Variants in SPIDR observed in about 807,000 individuals in gnomAD.
SPIDR encodes DNA repair-scaffolding protein.
Under a neutral mutation model 104.6 loss-of-function variants are expected in SPIDR, and 93 were observed. The ratio of observed to expected loss-of-function variants is 0.89; its 90% CI spans 0.75 to 1.06. The LOEUF (loss-of-function observed/expected upper bound fraction) is 1.06, where lower values mean the gene tolerates loss of function less well. Ranked by LOEUF, SPIDR falls within the 50% of genes least tolerant of loss-of-function variation. The probability of loss-of-function intolerance (pLI) is 0.00; values close to 1 mark genes in which losing one functional copy is unlikely to be tolerated. For synonymous variants in SPIDR, 431 were observed against 416.9 expected (o/e 1.03, Z -0.41); for missense variants, 1,154 against 1,111.2 (o/e 1.04, Z -0.55).
chr8:47,480,162 C>G (rs2076735747), intron 8 of SPIDR, among the ~76,000 whole-genome samples: 6 of 152,170 alleles, frequency 3.9e-5, no homozygotes, highest in South Asian at 4.1e-4. Context: ...CGAGACCAGC[C>G]TGGCCACAGT....
At chr8:47,580,448 C>G (rs2059595240) in intron 8 of SPIDR, among the ~76,000 whole-genome samples, 1 of 152,172 alleles carries the variant, frequency 6.6e-6, no homozygotes, top group African/African-American at 2.4e-5. Context: ...GTGCTTACAT[C>G]TACTCTGAAT....
chr8:47,545,698 C>T (rs1021156413), intron 8 of SPIDR, among the ~76,000 whole-genome samples: 2 of 152,070 alleles, frequency 1.3e-5, no homozygotes, highest in East Asian at 1.9e-4. Context: ...AATAGACATT[C>T]TGGCTTGTTC....
At chr8:47,720,195 T>C (rs2083199272) in intron 16 of SPIDR, among the ~76,000 whole-genome samples, 1 of 152,234 alleles carries the variant, frequency 6.6e-6, no homozygotes, top group Admixed American at 6.5e-5. Flanking sequence ...TGATAGCGCA[T>C]TTCTTTTTAG....
intron 11 of SPIDR, among the ~76,000 whole-genome samples, chr8:47,675,073 G>A (rs1027292397): frequency 1.3e-5 from 2 of 152,126 alleles, no homozygotes; most frequent in African/African-American, 4.8e-5. Flanking sequence ...TTTCGCTCTT[G>A]TTACCCAGGC....
chr8:47,733,986 C>T (rs1026465873), intron 19 of SPIDR, among the ~76,000 whole-genome samples: 2 of 152,132 alleles, frequency 1.3e-5, no homozygotes, highest in Non-Finnish European at 2.9e-5. Context: ...TCAAAGTCCC[C>T]CCACGAGTTG....
At chr8:47,509,680 A>G (rs1269501326) in intron 8 of SPIDR, among the ~76,000 whole-genome samples, 5 of 152,218 alleles carry the variant, frequency 3.3e-5, no homozygotes, top group Non-Finnish European at 7.3e-5. Context: ...AGATAACTGT[A>G]TGGTATTCGT....
intron 5 of SPIDR, chr8:47,360,806 CCA>C: frequency 2.0e-6 from 2 of 985,330 alleles, no homozygotes; most frequent in Non-Finnish European, 2.4e-6. Flanking sequence ...CTACTGGTCA[CCA>C]GTTTGTGTCC....
At chr8:47,418,909 C>T (rs1459429066) in intron 7 of SPIDR, among the ~76,000 whole-genome samples, 2 of 152,040 alleles carry the variant, frequency 1.3e-5, no homozygotes, top group Non-Finnish European at 2.9e-5. Flanking sequence ...TGTTTATATG[C>T]TGGGTTACGT....
intron 8 of SPIDR, among the ~76,000 whole-genome samples, chr8:47,458,335 A>G (rs1250369727): frequency 1.5e-5 from 2 of 129,100 alleles, no homozygotes; most frequent in African/African-American, 6.3e-5. Flanking sequence ...ATTTTATTTT[A>G]TTTTATTTTA....
chr8:47,667,632 G>A (rs940362361), intron 10 of SPIDR: 3 of 151,956 alleles, frequency 2.0e-5, no homozygotes, highest in Non-Finnish European at 2.9e-5. Context: ...ATAAATGTGA[G>A]TAGAAATTAA....
At chr8:47,312,405 C>T (rs1416127243) in intron 5 of SPIDR, among the ~76,000 whole-genome samples, 5 of 152,284 alleles carry the variant, frequency 3.3e-5, no homozygotes, top group Admixed American at 2.6e-4. Context: ...TTTTAATGAT[C>T]ACCATTCTAA....
rs1443869868 is a variant in SPIDR, at chr8:47,735,452, G to C, written c.*2G>C. 3.1e-6 allele frequency: 5 copies of C among 1,614,162 alleles called. No homozygotes were observed. In the South Asian group the frequency reaches 3.3e-5, roughly 11 times the overall value. ...GGAGGGGCCTCTGCAGAACACTAGC[G>C]GTTGCCGCAGGATCTGTGAACTTTG... On this transcript the variant is annotated 3_prime_UTR_variant, in exon 20 of 20. Coordinates refer to ENST00000297423, the MANE Select transcript of SPIDR (RefSeq NM_001080394.4).
At chr8:47,347,259 G>A (rs1422254043) in intron 5 of SPIDR, among the ~76,000 whole-genome samples, 1 of 152,180 alleles carries the variant, frequency 6.6e-6, no homozygotes, top group Non-Finnish European at 1.5e-5. Context: ...GAGCAGTTTT[G>A]AGTGAGTTTC....
chr8:47,350,620 C>G (rs897722747), intron 5 of SPIDR, among the ~76,000 whole-genome samples: 27 of 152,136 alleles, frequency 1.8e-4, no homozygotes, highest in African/African-American at 6.5e-4. Context: ...GGCCTAATTT[C>G]TTAAATAAAG....
chr8:47,264,798 A>G (rs1309416899), intron 1 of SPIDR, among the ~76,000 whole-genome samples: 2 of 152,078 alleles, frequency 1.3e-5, no homozygotes, highest in Admixed American at 6.6e-5. Flanking sequence ...GTTAATACCT[A>G]TATTGCTGGG....
chr8:47,442,596 C>CT (rs2069656611), intron 8 of SPIDR, among the ~76,000 whole-genome samples: 1 of 152,182 alleles, frequency 6.6e-6, no homozygotes, highest in African/African-American at 2.4e-5. Flanking sequence ...GTCTTCCCTC[C>CT]TTCAGAAATC....
intron 7 of SPIDR, among the ~76,000 whole-genome samples, chr8:47,416,198 G>T (rs553397055): frequency 1.3e-5 from 2 of 152,314 alleles, no homozygotes; most frequent in East Asian, 3.9e-4. Context: ...AGCCGAGATG[G>T]CGCCACTGCA....
intron 1 of SPIDR, among the ~76,000 whole-genome samples, chr8:47,268,222 C>T (rs1019721089): frequency 2.0e-5 from 3 of 152,156 alleles, no homozygotes; most frequent in Non-Finnish European, 4.4e-5. Context: ...ATTCTAGTAC[C>T]ATACTGTTTT....
chr8:47,397,118 G>A (rs552223700), intron 6 of SPIDR, among the ~76,000 whole-genome samples: 1 of 152,222 alleles, frequency 6.6e-6, no homozygotes, highest in East Asian at 1.9e-4. Flanking sequence ...ACGTGAAGGA[G>A]CCTGTAGGGA....
Sources: allele counts gnomAD v4.1 joint callset (sites outside exome capture counted in the v4.1 genomes callset), GRCh38; gene constraint gnomAD v4.1.1; transcripts MANE v1.5; gene names NCBI Gene and HGNC (gene_info 2026-07-23, HGNC 2026-07-21).